The following KIRREL3 variants were observed in gnomAD, a reference collection of about 807,000 sequenced individuals.
KIRREL3 encodes the protein kin of IRRE-like protein 3.
A neutral mutation model predicts 89.7 loss-of-function variants in KIRREL3; 36 were observed. The observed-to-expected ratio is 0.40, with a 90% confidence interval of 0.31 to 0.53. The LOEUF (loss-of-function observed/expected upper bound fraction) is 0.53, where lower values mean the gene tolerates loss of function less well. Ranked by LOEUF, KIRREL3 falls within the 20% of genes least tolerant of loss-of-function variation. The probability of loss-of-function intolerance (pLI) is 0.49; values close to 1 mark genes in which losing one functional copy is unlikely to be tolerated. For missense variants in KIRREL3, 864 were observed against 1,056.6 expected (o/e 0.82, Z 2.53); for synonymous variants, 445 against 441.4 (o/e 1.01, Z -0.10).
intron 1 of KIRREL3, among the ~76,000 whole-genome samples, chr11:126,919,123 G>A (rs1165982324): frequency 1.3e-5 from 2 of 152,000 alleles, no homozygotes; most frequent in African/African-American, 4.8e-5. Context: ...TACCTTTCAA[G>A]TGATAAATAC....
chr11:126,641,117 A>T lies in KIRREL3; in HGVS notation c.56-78205T>A, dbSNP rs1944453096. On this transcript the variant is annotated intron_variant, in intron 1 of 16. Transcript: ENST00000525144. The surrounding 1 kb of genome is among the most constrained non-coding windows in gnomAD (Gnocchi z 5.0). The stretch of plus-strand genomic sequence containing the variant: ...CTTTGAAGAAGATGATAAACTTGTC[A>T]GTGGCAATTTTATCCTTCCAGTTAC... 6.6e-6 allele frequency among the ~76,000 whole-genome samples: 1 copy of T among 152,160 alleles called. No individual in the cohort carries two copies. Among genetic ancestry groups the T allele is most frequent in the Admixed American group, 6.6e-5 (1 of 15,266 alleles).
In KIRREL3 at chr11:126,796,340, A is replaced by G. The variant is rs1365216971; in HGVS notation, c.55+204115T>C. Reference sequence around the variant, plus strand: ...TGCTGATCCCAGACTGGGCTGACCCAGGGCATCAGGGCTGGGGATTGTCTT... The same window carrying G: ...TGCTGATCCCAGACTGGGCTGACCCGGGGCATCAGGGCTGGGGATTGTCTT... On this transcript the variant is annotated intron_variant, in intron 1 of 16. Coordinates refer to ENST00000525144, the MANE Select transcript of KIRREL3 (RefSeq NM_032531.4). This position sits in a 1 kb window ranked among gnomAD's most constrained non-coding sequence, Gnocchi z 5.1. 6.6e-6 allele frequency among the ~76,000 whole-genome samples: 1 copy of G among 152,204 alleles called. No individual in the cohort carries two copies. The highest frequency in any genetic ancestry group is 1.5e-5 in the Non-Finnish European group (1 of 68,038).
intron 2 of KIRREL3, among the ~76,000 whole-genome samples, chr11:126,554,349 A>G (rs1939536231): frequency 6.6e-6 from 1 of 152,142 alleles, no homozygotes; most frequent in Admixed American, 6.5e-5. Context: ...AGGTGCTCAG[A>G]GGTGTTTGCC....
intron 1 of KIRREL3, among the ~76,000 whole-genome samples, chr11:126,633,953 G>A (rs1944158400): frequency 1.3e-5 from 2 of 152,192 alleles, no homozygotes; most frequent in African/African-American, 2.4e-5. Context: ...TCTTCATACA[G>A]TATTTCTTAC....
rs1940504569 is a variant in KIRREL3, at chr11:126,566,164, G to T, written c.56-3252C>A. ...AAAATAATTACCATGAAAGGAGTCA[G>T]CCCTGGCTTAAAAGGAAAGTTCATA... On this transcript the variant is annotated intron_variant, in intron 1 of 16. Coordinates refer to ENST00000525144, the MANE Select transcript of KIRREL3 (RefSeq NM_032531.4). This position sits in a 1 kb window ranked among gnomAD's most constrained non-coding sequence, Gnocchi z 4.9. Among the ~76,000 whole-genome samples the T allele has an allele frequency of 6.6e-6, 1 of 152,126 alleles. No homozygotes were observed. The highest frequency in any genetic ancestry group is 2.1e-4 in the South Asian group (1 of 4,824).
chr11:126,472,211 C>T (rs2134279114), intron 5 of KIRREL3, among the ~76,000 whole-genome samples: 1 of 152,244 alleles, frequency 6.6e-6, no homozygotes, highest in South Asian at 2.1e-4. Context: ...TATTATTTTT[C>T]TGAAACTCAA....
chr11:126,666,619 T>G lies in KIRREL3; in HGVS notation c.56-103707A>C, dbSNP rs894325865. 6.6e-6 allele frequency among the ~76,000 whole-genome samples: 1 copy of G among 152,220 alleles called. No individual in the cohort carries two copies. Among genetic ancestry groups the G allele is most frequent in the Admixed American group, 6.5e-5 (1 of 15,288 alleles). On this transcript the variant is annotated intron_variant, in intron 1 of 16. Coordinates refer to ENST00000525144, the MANE Select transcript of KIRREL3 (RefSeq NM_032531.4). The surrounding 1 kb of genome is among the most constrained non-coding windows in gnomAD (Gnocchi z 4.2). ...AACAATATCAATGATTTGTGCTGCC[T>G]GCTTGTCGAGTCTGTTTACCAACTT...
rs1467789238 is a variant in KIRREL3, at chr11:126,427,317, C to T, written c.1807-1593G>A. Among the ~76,000 whole-genome samples the T allele has an allele frequency of 6.6e-6, 1 of 152,184 alleles. No homozygotes were observed. The highest frequency in any genetic ancestry group is 1.5e-5 in the Non-Finnish European group (1 of 68,032). On this transcript the variant is annotated intron_variant, in intron 15 of 16. Transcript: ENST00000525144. This position sits in a 1 kb window ranked among gnomAD's most constrained non-coding sequence, Gnocchi z 5.3. Reference sequence around the variant, plus strand: ...GATGAGCGTAGACTCAGAAACATGACCTTTGCCCTTGAGGAGCTCTGGGAT... The same window carrying T: ...GATGAGCGTAGACTCAGAAACATGATCTTTGCCCTTGAGGAGCTCTGGGAT...
intron 1 of KIRREL3, among the ~76,000 whole-genome samples, chr11:126,865,131 C>T (rs918309516): frequency 1.3e-5 from 2 of 152,250 alleles, no homozygotes; most frequent in African/African-American, 4.8e-5. Flanking sequence ...GCCTCTTTCT[C>T]TTCTGCCCCT....
rs1434550377 is a variant in KIRREL3, at chr11:126,896,823, G to T, written c.55+103632C>A. 6.6e-6 allele frequency among the ~76,000 whole-genome samples: 1 copy of T among 152,142 alleles called. No individual in the cohort carries two copies. Among genetic ancestry groups the T allele is most frequent in the African/African-American group, 2.4e-5 (1 of 41,428 alleles). On this transcript the variant is annotated intron_variant, in intron 1 of 16. Coordinates refer to ENST00000525144, the MANE Select transcript of KIRREL3 (RefSeq NM_032531.4). This position sits in a 1 kb window ranked among gnomAD's most constrained non-coding sequence, Gnocchi z 4.1. ...CTGCTCAGATCTTACCCAAGCGCGT[G>T]TTCTCCTCTTTCATAGCTTCCATTC...
At chr11:126,923,129 C>CTTCTCTTCTTCTTCTTCTTCT (rs1555090094) in intron 1 of KIRREL3, among the ~76,000 whole-genome samples, 2 of 25,740 alleles carry the variant, frequency 7.8e-5, no homozygotes, top group Non-Finnish European at 7.8e-5. Flanking sequence ...TCTCCTTCTT[C>CTTCTCTTCTTCTTCTTCTTCT]TCTTCTTCTT....
In KIRREL3 at chr11:126,571,791, T is replaced by C. The variant is rs1318339356; in HGVS notation, c.56-8879A>G. Among the ~76,000 whole-genome samples, 8 of 152,186 alleles carry C rather than the reference T, an allele frequency of 5.3e-5. No individual in the cohort carries two copies. Among genetic ancestry groups the C allele is most frequent in the African/African-American group, 1.9e-4 (8 of 41,444 alleles). On this transcript the variant is annotated intron_variant, in intron 1 of 16. Transcript: ENST00000525144. The surrounding 1 kb of genome is among the most constrained non-coding windows in gnomAD (Gnocchi z 7.7). ...CGGGGGGATGTTAAATAATGTTGGT[T>C]AAAGAATTTTACGGGAAACAGTTTT...
intron 4 of KIRREL3, among the ~76,000 whole-genome samples, chr11:126,499,536 G>A (rs1957786201): frequency 6.6e-6 from 1 of 152,170 alleles, no homozygotes; most frequent in Non-Finnish European, 1.5e-5. Context: ...ATGCTCCAGC[G>A]TGGCTCAAAG....
rs1008092697 is a variant in KIRREL3, at chr11:126,454,853, C to T, written c.848+1496G>A. 6.6e-6 allele frequency among the ~76,000 whole-genome samples: 1 copy of T among 152,198 alleles called. No individual in the cohort carries two copies. Among genetic ancestry groups the T allele is most frequent in the South Asian group, 2.1e-4 (1 of 4,836 alleles). ...GACTCTAGTCAAGCAAATGGTTAAACTGGACAGGACAAATGGGTTTCATCC... is the reference window on the plus strand; with the variant it reads ...GACTCTAGTCAAGCAAATGGTTAAATTGGACAGGACAAATGGGTTTCATCC... On this transcript the variant is annotated intron_variant, in intron 7 of 16. Coordinates refer to ENST00000525144, the MANE Select transcript of KIRREL3 (RefSeq NM_032531.4). This position sits in a 1 kb window ranked among gnomAD's most constrained non-coding sequence, Gnocchi z 5.8.
At chr11:126,793,419 T>G (rs892460930) in intron 1 of KIRREL3, among the ~76,000 whole-genome samples, 13 of 152,212 alleles carry the variant, frequency 8.5e-5, no homozygotes, top group Non-Finnish European at 1.8e-4. Context: ...CCTTTGGATG[T>G]GCATGCTCAG....
intron 1 of KIRREL3, among the ~76,000 whole-genome samples, chr11:126,884,183 C>G (rs1423487818): frequency 6.6e-6 from 1 of 152,198 alleles, no homozygotes; most frequent in Non-Finnish European, 1.5e-5. Flanking sequence ...TGTTAAGAAG[C>G]CTGGGTCCAC....
chr11:126,703,042 T>C lies in KIRREL3; in HGVS notation c.56-140130A>G, dbSNP rs1228482627. Among the ~76,000 whole-genome samples the C allele has an allele frequency of 6.6e-6, 1 of 152,192 alleles. No individual in the cohort carries two copies. The highest frequency in any genetic ancestry group is 1.5e-5 in the Non-Finnish European group (1 of 68,022). ...TCAGAGTGGCAGGGAGGATGGTTTA[T>C]GGTGAGTATGGACCTAAATGAGAAG... On this transcript the variant is annotated intron_variant, in intron 1 of 16. Coordinates refer to ENST00000525144, the MANE Select transcript of KIRREL3 (RefSeq NM_032531.4). This position sits in a 1 kb window ranked among gnomAD's most constrained non-coding sequence, Gnocchi z 4.6.
In KIRREL3 at chr11:126,436,833, C is replaced by T; in HGVS notation, c.1530G>A (p.Glu510=). 1 of 1,613,654 alleles carries T rather than the reference C, an allele frequency of 6.2e-7. No homozygotes were observed. Among genetic ancestry groups the T allele is most frequent in the African/African-American group, 1.3e-5 (1 of 75,058 alleles). ...TAWNSFGSDT[E]IIRLKEQGSE... is the part of the protein sequence containing the mutation. ...CACCTTGCTCCTTGAGCCGGATGAT[C>T]TCAGTGTCGGAGCCGAAGCTGTTCC... The change falls in exon 12 of 17, where the codon GAG becomes GAA. Residue 510 remains glutamate, a synonymous_variant. Coordinates refer to ENST00000525144, the MANE Select transcript of KIRREL3 (RefSeq NM_032531.4).
intron 1 of KIRREL3, among the ~76,000 whole-genome samples, chr11:126,586,521 T>C (rs1941866410): frequency 6.6e-6 from 1 of 151,964 alleles, no homozygotes; most frequent in East Asian, 1.9e-4. Flanking sequence ...TAACAACAGT[T>C]AGAGGCATCG....
Sources: gnomAD v4.1 joint callset for allele counts (sites outside exome capture counted in the v4.1 genomes callset) on GRCh38, gnomAD v4.1.1 for gene constraint, Gnocchi (gnomAD v3.1) non-coding constraint, MANE v1.5 for transcripts, NCBI Gene and HGNC (gene_info 2026-07-23, HGNC 2026-07-21) for gene names.